Variants in RAB27A observed in about 807,000 individuals in gnomAD.
The protein encoded by RAB27A is RAB27A, member RAS oncogene family, also known as ras-related protein Rab-27A.
In RAB27A, 17 loss-of-function variants were observed where a neutral mutation model predicts 20.8. That is an observed-to-expected ratio of 0.82 (90% confidence interval 0.56 to 1.23). RAB27A has a LOEUF of 1.23. Among genes scored for constraint, RAB27A ranks in the 50% most tolerant of loss-of-function variants. The probability of loss-of-function intolerance (pLI) is 0.00; values close to 1 mark genes in which losing one functional copy is unlikely to be tolerated. For synonymous variants in RAB27A, 85 were observed against 92.8 expected (o/e 0.92, Z 0.48); for missense variants, 277 against 266.7 (o/e 1.04, Z -0.27).
intron 2 of RAB27A, among the ~76,000 whole-genome samples, chr15:55,269,477 T>C (rs1176045360): frequency 6.6e-6 from 1 of 152,218 alleles, no homozygotes; most frequent in East Asian, 1.9e-4. Context: ...CCGGGCACGG[T>C]GGCTCATGCC....
At chr15:55,233,917 C>T (rs1896147877) in intron 3 of RAB27A, among the ~76,000 whole-genome samples, 1 of 152,126 alleles carries the variant, frequency 6.6e-6, no homozygotes, top group Non-Finnish European at 1.5e-5. Flanking sequence ...CTAAAAATTT[C>T]ATTAGGGCCC....
At chr15:55,234,129 A>G (rs1010810791) in intron 3 of RAB27A, among the ~76,000 whole-genome samples, 1 of 152,226 alleles carries the variant, frequency 6.6e-6, no homozygotes, top group African/African-American at 2.4e-5. Flanking sequence ...ATTTTTCAAC[A>G]AGAAATGTAG....
intron 2 of RAB27A, among the ~76,000 whole-genome samples, chr15:55,313,456 G>C (rs1041704190): frequency 1.3e-5 from 2 of 152,094 alleles, no homozygotes; most frequent in African/African-American, 4.8e-5. Context: ...ATTGTTAAAG[G>C]TACTGAATAA....
At chr15:55,266,361 T>C (rs1012482900) in intron 2 of RAB27A, among the ~76,000 whole-genome samples, 1 of 152,232 alleles carries the variant, frequency 6.6e-6, no homozygotes, top group Non-Finnish European at 1.5e-5. Context: ...ATCCAGTCTA[T>C]GGTACTTTGT....
chr15:55,225,679 G>A (rs115433183), intron 5 of RAB27A, among the ~76,000 whole-genome samples: 2 of 152,186 alleles, frequency 1.3e-5, no homozygotes, highest in East Asian at 3.8e-4. Flanking sequence ...ATTTTGGGTA[G>A]TCTAGGAAGT....
At chr15:55,279,754 T>C (rs1171081018) in intron 1 of RAB27A, among the ~76,000 whole-genome samples, 2 of 152,216 alleles carry the variant, frequency 1.3e-5, no homozygotes, top group East Asian at 1.9e-4. Context: ...CTTACAACAA[T>C]AGTTTTTGAA....
At chr15:55,303,153 G>A (rs1226176592) in intron 2 of RAB27A, among the ~76,000 whole-genome samples, 8 of 118,806 alleles carry the variant, frequency 6.7e-5, no homozygotes, top group Admixed American at 2.3e-4. Context: ...CCCCCCGCCC[G>A]GCCAGCCGCC....
chr15:55,274,936 A>G (rs918797491), intron 1 of RAB27A, among the ~76,000 whole-genome samples: 5 of 151,184 alleles, frequency 3.3e-5, no homozygotes, highest in African/African-American at 4.9e-5. Flanking sequence ...CCACAGAGGT[A>G]CAAAGAATAA....
At chr15:55,310,748 C>T (rs978726447) in intron 2 of RAB27A, among the ~76,000 whole-genome samples, 8 of 152,106 alleles carry the variant, frequency 5.3e-5, no homozygotes, top group Admixed American at 2.6e-4. Flanking sequence ...CTAAGTTTTG[C>T]TCCGGGCCTA....
intron 2 of RAB27A, among the ~76,000 whole-genome samples, chr15:55,251,869 G>A (rs144000696): frequency 9.9e-4 from 150 of 152,244 alleles, no homozygotes; most frequent in African/African-American, 3.5e-3. Context: ...TGTTTTACAT[G>A]AAAGTACCCT....
intron 6 of RAB27A, among the ~76,000 whole-genome samples, chr15:55,215,695 C>T (rs1373627715): frequency 1.3e-5 from 2 of 149,696 alleles, no homozygotes; most frequent in Non-Finnish European, 3.0e-5. Flanking sequence ...GGCGCGGTAG[C>T]TCACGCCTGT....
intron 2 of RAB27A, among the ~76,000 whole-genome samples, chr15:55,300,303 C>T (rs1238524664): frequency 1.3e-5 from 2 of 152,016 alleles, no homozygotes; most frequent in Admixed American, 6.6e-5. Flanking sequence ...GGAAGCAAGT[C>T]GGGAGTGCAA....
At chr15:55,313,508 A>G (rs185709467) in intron 2 of RAB27A, among the ~76,000 whole-genome samples, 162 of 152,310 alleles carry the variant, frequency 1.1e-3, no homozygotes, top group Middle Eastern at 3.4e-3. Flanking sequence ...CACTTTGTTC[A>G]TTTTGTAATA....
At chr15:55,205,734 A>T in intron 6 of RAB27A, 29 bp from the exon 7 acceptor site, 1 of 1,563,810 alleles carries the variant, frequency 6.4e-7, no homozygotes, top group Non-Finnish European at 8.8e-7. Context: ...TGAGGTAACA[A>T]CATGTGGAGG....
In RAB27A at chr15:55,227,404, T is replaced by C. The variant is rs2899584; in HGVS notation, c.343+1205A>G. 4.3e-3 allele frequency among the ~76,000 whole-genome samples: 651 copies of C among 152,254 alleles called. 5 individuals are homozygous for C. The highest frequency in any genetic ancestry group is 0.015 in the African/African-American group (620 of 41,534). On this transcript the variant is annotated intron_variant, in intron 5 of 6. Transcript: ENST00000336787. The stretch of plus-strand genomic sequence containing the variant: ...AACACGGGCTGAGAGTAAGAGACCA[T>C]AAACAGCCACTGTCATTCAGCTACA...
intron 2 of RAB27A, among the ~76,000 whole-genome samples, chr15:55,265,238 T>C (rs1369563205): frequency 1.3e-5 from 2 of 150,718 alleles, no homozygotes; most frequent in African/African-American, 4.9e-5. Context: ...TAAAACTCTG[T>C]CTCAAAGAAA....
At chr15:55,272,317 T>C (rs1375650158) in intron 1 of RAB27A, among the ~76,000 whole-genome samples, 1 of 152,188 alleles carries the variant, frequency 6.6e-6, no homozygotes, top group Admixed American at 6.5e-5. Context: ...GAGAATGCCG[T>C]GAACCCGGGA....
intron 6 of RAB27A, among the ~76,000 whole-genome samples, chr15:55,217,620 G>A (rs1343375937): frequency 7.8e-6 from 1 of 127,400 alleles, no homozygotes; most frequent in Non-Finnish European, 1.6e-5. Context: ...AGCCAAGATC[G>A]TGTCACTGCA....
intron 3 of RAB27A, among the ~76,000 whole-genome samples, chr15:55,233,104 AAC>A (rs1269396583): frequency 2.6e-5 from 4 of 152,152 alleles, no homozygotes; most frequent in Non-Finnish European, 5.9e-5. Flanking sequence ...CAGTCTGAGC[AAC>A]AGAGAGAGAC....
Sources: allele counts gnomAD v4.1 joint callset (sites outside exome capture counted in the v4.1 genomes callset), GRCh38; gene constraint gnomAD v4.1.1; transcripts MANE v1.5; gene names NCBI Gene and HGNC (gene_info 2026-07-23, HGNC 2026-07-21).